The following TRPM8 variants were observed in gnomAD, a reference collection of about 807,000 sequenced individuals.
The protein encoded by TRPM8 is transient receptor potential cation channel subfamily M member 8, also known as TRPM8 cationic channel.
Under a neutral mutation model 133.7 loss-of-function variants are expected in TRPM8, and 110 were observed. The observed-to-expected ratio is 0.82, with a 90% CI of 0.70 to 0.96. The LOEUF (loss-of-function observed/expected upper bound fraction) is 0.96. Among genes scored for constraint, TRPM8 ranks in the 40% least tolerant of loss-of-function variants. The probability of loss-of-function intolerance (pLI) is 0.00; values close to 1 mark genes in which losing one functional copy is unlikely to be tolerated. For synonymous variants in TRPM8, 535 were observed against 532.3 expected (o/e 1.01, Z -0.07); for missense variants, 1,291 against 1,379.5 (o/e 0.94, Z 1.02).
intron 17 of TRPM8, among the ~76,000 whole-genome samples, chr2:233,975,354 C>T (rs758377150): frequency 3.3e-5 from 5 of 152,174 alleles, no homozygotes; most frequent in African/African-American, 1.2e-4. Flanking sequence ...GGAGAGGAAC[C>T]CTGCCCACAG....
intron 11 of TRPM8, among the ~76,000 whole-genome samples, chr2:233,957,991 C>T (rs2125160284): frequency 6.6e-6 from 1 of 152,306 alleles, no homozygotes; most frequent in Admixed American, 6.5e-5. Context: ...AACATTGGCA[C>T]ATATGAAGCA....
intron 25 of TRPM8, 129 bp downstream of exon 25, chr2:234,014,783 GC>G: frequency 7.3e-6 from 2 of 272,294 alleles, no homozygotes. Context: ...AATGCATTGT[GC>G]AAAAAAAAAA....
In TRPM8 at chr2:233,963,301, G is replaced by A. The variant is rs201115161; in HGVS notation, c.1673G>A (p.Arg558Gln). ...IELHDVSPIT[R>Q]HPLQALFIWA... ...CCCCAGGACGTGTCTCCTATTACTCGGCACCCCCTGCAAGCTCTCTTCATC... is the reference window on the plus strand; with the variant it reads ...CCCCAGGACGTGTCTCCTATTACTCAGCACCCCCTGCAAGCTCTCTTCATC... The change falls in exon 13 of 26, where the codon CGG becomes CAG. Residue 558 changes from arginine to glutamine, a missense_variant. Around this residue, in one of 2 missense-constraint regions of TRPM8, gnomAD observed 963 missense variants for 968.9 expected, o/e 0.99. Transcript: ENST00000324695. 8.1e-6 allele frequency: 13 copies of A among 1,612,714 alleles called. No homozygotes were observed. In the East Asian group the frequency reaches 1.3e-4, roughly 17 times the overall value.
chr2:233,955,055 T>C lies in TRPM8; in HGVS notation c.1244-77T>C, dbSNP rs78765698. 523 of 1,031,986 alleles carry C rather than the reference T, an allele frequency of 5.1e-4. 8 individuals are homozygous for C. In the East Asian group the frequency reaches 9.1e-3, roughly 18 times the overall value. The allele number at this position is 1,031,986 out of a possible 1,614,324, so 63.9% of individuals were successfully genotyped here. ...CATTACCTGTGATAAACAGCTCTGATAATTGGCCACACTGAATGGTTCTCA... is the reference window on the plus strand; with the variant it reads ...CATTACCTGTGATAAACAGCTCTGACAATTGGCCACACTGAATGGTTCTCA... On this transcript the variant is annotated intron_variant, in intron 10 of 25. Transcript: ENST00000324695.
chr2:233,931,841 A>G (rs1212225592), intron 3 of TRPM8, among the ~76,000 whole-genome samples: 1 of 152,252 alleles, frequency 6.6e-6, no homozygotes, highest in African/African-American at 2.4e-5. Flanking sequence ...TGTATGTTTC[A>G]TGAATGGGAC....
At position 234,018,665 on chromosome 2, in the gene TRPM8, CA is replaced by C. The variant is rs1426548725; in HGVS notation, c.*1413del. The C allele has an allele frequency of 6.6e-6, 1 of 151,392 alleles. No homozygotes were observed. Among genetic ancestry groups the C allele is most frequent in the Non-Finnish European group, 1.5e-5 (1 of 67,872 alleles). 9.4% of individuals were successfully genotyped at this position (151,392 alleles called of 1,614,324 possible). A position where few individuals can be genotyped will look rare whatever the true frequency, so the allele number is the denominator to read the frequency against. On this transcript the variant is annotated 3_prime_UTR_variant, in exon 26 of 26. Coordinates refer to ENST00000324695, the MANE Select transcript of TRPM8 (RefSeq NM_024080.5). ...TTCGAGACCAGCCTGGCCAACATGGCAAAACCACATCTCTACTAAAAATAAA... is the reference window on the plus strand; with the variant it reads ...TTCGAGACCAGCCTGGCCAACATGGCAAACCACATCTCTACTAAAAATAAA...
intron 11 of TRPM8, among the ~76,000 whole-genome samples, chr2:233,958,367 C>T (rs1454481791): frequency 6.6e-6 from 1 of 152,202 alleles, no homozygotes; most frequent in Non-Finnish European, 1.5e-5. Context: ...TGACTGACGG[C>T]AAAGCCTCTT....
In TRPM8 at chr2:233,939,080, T is replaced by C. The variant is rs201249162; in HGVS notation, c.431T>C (p.Leu144Pro). 5.0e-6 allele frequency: 8 copies of C among 1,614,222 alleles called. No homozygotes were observed. In the South Asian group the frequency reaches 6.6e-5, roughly 13 times the overall value. Residue 144 changes from leucine (L) to proline (P), a missense_variant, in exon 5 of 26, where the codon CTG (leucine) becomes CCG (proline). Coordinates refer to ENST00000324695, the MANE Select transcript of TRPM8 (RefSeq NM_024080.5). ...TQHWHLKTPN[L>P]VISVTGGAKN... ...CACTGGCACCTGAAAACACCCAACC[T>C]GGTCATTTCTGTGACCGGGGGCGCC... is the stretch of plus-strand genomic sequence containing the variant.
Position 233,952,482 on chromosome 2 carries a change from G to A in TRPM8, c.1141-1435G>A, listed in dbSNP as rs1239052913. On this transcript the variant is annotated intron_variant, in intron 9 of 25. Transcript: ENST00000324695. ...GGTGGGGGCTGGGGTTGTGGTGGTG[G>A]TGGGAACAGCATGTGCAAAGGTCCT... is the stretch of plus-strand genomic sequence containing the variant. Among the ~76,000 whole-genome samples, 4 of 152,038 alleles carry A rather than the reference G, an allele frequency of 2.6e-5. No individual in the cohort carries two copies. The East Asian group carries it at 7.8e-4, about 30-fold the overall frequency.
chr2:233,929,987 A>AT (rs921706947), intron 2 of TRPM8, among the ~76,000 whole-genome samples: 1 of 151,904 alleles, frequency 6.6e-6, no homozygotes, highest in African/African-American at 2.4e-5. Context: ...GTCTTTGGCC[A>AT]TTTTTTTCCC....
At chr2:234,013,693 T>C (rs1692893707) in intron 24 of TRPM8, 1 of 152,156 alleles carries the variant, frequency 6.6e-6, no homozygotes, top group African/African-American at 2.4e-5. Context: ...TATTAACAAA[T>C]ACAAGGCTCT....
intron 3 of TRPM8, among the ~76,000 whole-genome samples, chr2:233,932,997 T>C (rs1159838594): frequency 6.6e-6 from 1 of 151,378 alleles, no homozygotes; most frequent in Non-Finnish European, 1.5e-5. Flanking sequence ...CTTGCCTCTC[T>C]ACTCTAACTT....
intron 2 of TRPM8, among the ~76,000 whole-genome samples, chr2:233,927,775 T>TTCCTTCCTTCCTTCC (rs1691562983): frequency 9.6e-5 from 5 of 52,150 alleles, no homozygotes; most frequent in Admixed American, 6.4e-4. Flanking sequence ...TCTTTCTTTC[T>TTCCTTCCTTCCTTCC]TTCTTTCTTT....
chr2:234,004,645 T>C (rs1574786142), intron 22 of TRPM8, among the ~76,000 whole-genome samples: 1 of 152,370 alleles, frequency 6.6e-6, no homozygotes, highest in Non-Finnish European at 1.5e-5. Flanking sequence ...TGCTACACAG[T>C]AATTGCTTTT....
At chr2:233,940,340 A>G (rs1399941850) in intron 5 of TRPM8, among the ~76,000 whole-genome samples, 3 of 145,912 alleles carry the variant, frequency 2.1e-5, no homozygotes, top group Admixed American at 1.4e-4. Context: ...TGTTTTTCCC[A>G]TTTATTTTTC....
chr2:233,955,217 T>G lies in TRPM8; in HGVS notation c.1329T>G (p.Asn443Lys). The G allele has an allele frequency of 6.2e-7, 1 of 1,614,096 alleles. No homozygotes were observed. The highest frequency in any genetic ancestry group is 1.1e-5 in the South Asian group (1 of 91,072). The change falls in exon 11 of 26, where the codon AAT (asparagine) becomes AAG (lysine). Residue 443 changes from asparagine to lysine, a missense_variant. Physicochemically the swap from Asn to Lys is moderately conservative, Grantham distance 94. Around this residue, in one of 2 missense-constraint regions of TRPM8, gnomAD observed 963 missense variants for 968.9 expected, o/e 0.99. Coordinates refer to ENST00000324695, the MANE Select transcript of TRPM8 (RefSeq NM_024080.5). The part of the protein sequence containing the change: ...LLEWNQLDLA[N>K]DEIFTNDRRW... ...AGTGGAACCAGCTGGACTTAGCCAA[T>G]GATGAGATTTTCACCAATGACCGCC...
Position 233,961,050 on chromosome 2 carries a change from T to G in TRPM8, c.1637T>G (p.Met546Arg). 6.2e-7 allele frequency: 1 copy of G among 1,613,992 alleles called. No homozygotes were observed. Among genetic ancestry groups the G allele is most frequent in the African/African-American group, 1.3e-5 (1 of 75,048 alleles). ...GAAGACAGAAATGGCCGGGACGAGA[T>G]GGACATAGAACTCCACGTAGGTACT... ...RKEDRNGRDE[M>R]DIELHDVSPI... Residue 546 changes from methionine (M) to arginine (R), a missense_variant, in exon 12 of 26, where the codon ATG becomes AGG. Met to Arg is a moderately conservative substitution (Grantham distance 91). Transcript: ENST00000324695.
At chr2:233,948,500 A>G (rs1162824333) in intron 8 of TRPM8, among the ~76,000 whole-genome samples, 5 of 152,268 alleles carry the variant, frequency 3.3e-5, no homozygotes, top group African/African-American at 1.2e-4. Context: ...AAAAGCAGCC[A>G]CATCAAAGAG....
chr2:233,942,832 T>G, intron 6 of TRPM8, 84 bp downstream of exon 6: 1 of 1,523,172 alleles, frequency 6.6e-7, no homozygotes. Flanking sequence ...CCTGGGGCTC[T>G]GTGATGGAGC....
Sources: gnomAD v4.1 joint callset for allele counts (sites outside exome capture counted in the v4.1 genomes callset) on GRCh38, gnomAD v4.1.1 for gene constraint, gnomAD v4.1.1 regional missense constraint, MANE v1.5 for transcripts, NCBI Gene and HGNC (gene_info 2026-07-23, HGNC 2026-07-21) for gene names.